Variants in BAZ2B observed in about 807,000 individuals in gnomAD.
The protein encoded by BAZ2B is bromodomain adjacent to zinc finger domain 2B.
Under a neutral mutation model 246.0 loss-of-function variants are expected in BAZ2B, and 91 were observed. The observed-to-expected ratio is 0.37, with a 90% CI of 0.31 to 0.44. The LOEUF is 0.44. Ranked by LOEUF, BAZ2B falls within the 20% of genes least tolerant of loss-of-function variation. The pLI, the probability that BAZ2B is intolerant of heterozygous loss-of-function variation, is 1.00. For synonymous variants in BAZ2B, 855 were observed against 860.0 expected (o/e 0.99, Z 0.10); for missense variants, 2,332 against 2,533.7 (o/e 0.92, Z 1.71).
upstream of BAZ2B, among the ~76,000 whole-genome samples, chr2:159,619,362 C>CTTCTAAAGACAT (rs67188205): frequency 1.0e-3 from 159 of 151,642 alleles, no homozygotes; most frequent in Middle Eastern, 3.4e-3. Flanking sequence ...ATTTTAATGT[C>CTTCTAAAGACAT]TTCTAAAGAC....
At chr2:159,548,612 G>A (rs1221758998) in intron 2 of BAZ2B, among the ~76,000 whole-genome samples, 1 of 152,094 alleles carries the variant, frequency 6.6e-6, no homozygotes, top group African/African-American at 2.4e-5. Flanking sequence ...CTCAACACAT[G>A]TATCAAAATA....
intron 3 of BAZ2B, chr2:159,459,638 C>T (rs955050291): frequency 1.3e-5 from 2 of 151,980 alleles, no homozygotes; most frequent in African/African-American, 2.4e-5. Context: ...TCAGTCAATC[C>T]TATAATTACA....
chr2:159,407,995 T>C (rs1450584594), intron 14 of BAZ2B, among the ~76,000 whole-genome samples: 1 of 152,240 alleles, frequency 6.6e-6, no homozygotes, highest in Non-Finnish European at 1.5e-5. Context: ...TCTTGAAATG[T>C]AAAGATGTGC....
At chr2:159,402,183 C>T (rs548553907) in intron 16 of BAZ2B, among the ~76,000 whole-genome samples, 137 of 152,296 alleles carry the variant, frequency 9.0e-4, no homozygotes, top group African/African-American at 3.0e-3. Context: ...TACTGTGGCT[C>T]ACACCTGTAA....
intron 3 of BAZ2B, chr2:159,460,557 A>G (rs1160704105): frequency 1.3e-5 from 2 of 152,108 alleles, no homozygotes; most frequent in Non-Finnish European, 2.9e-5. Context: ...AATTTGCAAC[A>G]TTAAAAATCA....
chr2:159,467,321 G>C (rs2077192649), intron 3 of BAZ2B, among the ~76,000 whole-genome samples: 1 of 152,148 alleles, frequency 6.6e-6, no homozygotes, highest in African/African-American at 2.4e-5. Flanking sequence ...AAAAGCTTTT[G>C]GAAAAGGCTC....
At chr2:159,656,074 C>T in the BAZ2B span, among the ~76,000 whole-genome samples, 1 of 152,046 alleles carries the variant, frequency 6.6e-6, no homozygotes, top group Non-Finnish European at 1.5e-5. Context: ...GTTGTATTTT[C>T]CTGAAAGTTT....
chr2:159,487,576 C>T (rs1342653378), intron 2 of BAZ2B, among the ~76,000 whole-genome samples: 1 of 152,080 alleles, frequency 6.6e-6, no homozygotes. Flanking sequence ...ATCTTATTTC[C>T]TCATGGTGAT....
chr2:159,646,362 G>A, the BAZ2B span, among the ~76,000 whole-genome samples: 1 of 151,912 alleles, frequency 6.6e-6, no homozygotes, highest in African/African-American at 2.4e-5. Context: ...CTTTTTTCAG[G>A]GTGCCCAGAT....
chr2:159,637,568 TA>T, the BAZ2B span, among the ~76,000 whole-genome samples: 1 of 151,602 alleles, frequency 6.6e-6, no homozygotes, highest in South Asian at 2.1e-4. Flanking sequence ...TAAGGCTTTT[TA>T]TTTTTATTTT....
chr2:159,638,555 A>G, the BAZ2B span, among the ~76,000 whole-genome samples: 5 of 152,220 alleles, frequency 3.3e-5, no homozygotes, highest in Non-Finnish European at 2.9e-5. Flanking sequence ...AGAGATTGAA[A>G]TAATTTAAAA....
intron 14 of BAZ2B, among the ~76,000 whole-genome samples, chr2:159,406,285 G>C (rs956056483): frequency 6.6e-6 from 1 of 152,136 alleles, no homozygotes; most frequent in South Asian, 2.1e-4. Context: ...GATATGATTT[G>C]GGGGCTAGGC....
chr2:159,705,883 C>A, the BAZ2B span, among the ~76,000 whole-genome samples: 1 of 145,080 alleles, frequency 6.9e-6, no homozygotes, highest in Admixed American at 7.0e-5. Flanking sequence ...ATGAAAAAAA[C>A]ACTGTGAAAG....
Position 159,429,219 on chromosome 2 carries a change from G to A in BAZ2B, c.2236C>T (p.Arg746Cys), listed in dbSNP as rs915783882. The stretch of plus-strand genomic sequence containing the variant: ...GCATACCCATATTCCAATGGAATAC[G>A]CAGTTCACGTTCATCTGTTACTCTT... ...RRRVTDERELRIPLEYGWQRE... is the reference protein window; with the variant it reads ...RRRVTDERELCIPLEYGWQRE... The change falls in exon 11 of 37, where the codon CGT (arginine) becomes TGT (cysteine). Residue 746 changes from arginine to cysteine, a missense_variant. Physicochemically the swap from Arg to Cys is radical, Grantham distance 180 (BLOSUM62 -3). Around this residue, in one of 9 missense-constraint regions of BAZ2B, gnomAD observed 651 missense variants for 650.9 expected, o/e 1.00. Coordinates refer to ENST00000392783, the MANE Select transcript of BAZ2B (RefSeq NM_013450.4). 10 of 1,560,654 alleles carry A rather than the reference G, an allele frequency of 6.4e-6. 1 individual carries two copies. The highest frequency in any genetic ancestry group is 5.2e-5 in the Admixed American group (3 of 57,668).
chr2:159,398,531 TG>T (rs900078641), intron 18 of BAZ2B, among the ~76,000 whole-genome samples: 20 of 151,670 alleles, frequency 1.3e-4, no homozygotes, highest in South Asian at 2.1e-4. Context: ...AAAACAGTTT[TG>T]GGGGGGGTCA....
At chr2:159,595,477 G>A (rs1405823796) in intron 1 of BAZ2B, among the ~76,000 whole-genome samples, 4 of 152,136 alleles carry the variant, frequency 2.6e-5, no homozygotes, top group African/African-American at 4.8e-5. Context: ...TTTAAGAGGC[G>A]AAAAAGAGGT....
intron 24 of BAZ2B, among the ~76,000 whole-genome samples, 165 bp downstream of exon 24, chr2:159,383,441 C>T (rs187457775): frequency 1.9e-4 from 29 of 152,180 alleles, no homozygotes; most frequent in Admixed American, 4.6e-4. Context: ...TTGTCCATTG[C>T]AAATTCTGCC....
At chr2:159,430,682 A>G (rs1380372830) in intron 10 of BAZ2B, among the ~76,000 whole-genome samples, 181 bp downstream of exon 10, 4 of 151,914 alleles carry the variant, frequency 2.6e-5, no homozygotes, top group Non-Finnish European at 2.9e-5. Context: ...ACTCGGGGGG[A>G]AAAAAAAGAC....
chr2:159,556,437 A>G (rs2089140214), intron 1 of BAZ2B, among the ~76,000 whole-genome samples: 1 of 139,584 alleles, frequency 7.2e-6, no homozygotes, highest in Non-Finnish European at 1.5e-5. Context: ...CTTCAAGTTT[A>G]TCCCTGTGAA....
Sources: gnomAD v4.1 joint callset for allele counts (sites outside exome capture counted in the v4.1 genomes callset) on GRCh38, gnomAD v4.1.1 for gene constraint, gnomAD v4.1.1 regional missense constraint, MANE v1.5 for transcripts, NCBI Gene and HGNC (gene_info 2026-07-23, HGNC 2026-07-21) for gene names.